DOK6: variants seen among roughly 807,000 people sequenced by gnomAD.
DOK6 encodes downstream of tyrosine kinase 6.
In DOK6, 22 loss-of-function variants were observed where a neutral mutation model predicts 44.0. That is an observed-to-expected ratio of 0.50 (90% CI 0.36 to 0.71). DOK6 has a LOEUF of 0.71. Among genes scored for constraint, DOK6 ranks in the 30% least tolerant of loss-of-function variants. The pLI is 0.00. For missense variants in DOK6, 340 were observed against 416.4 expected (o/e 0.82, Z 1.60); for synonymous variants, 166 against 145.5 (o/e 1.14, Z -1.01).
intron 5 of DOK6, among the ~76,000 whole-genome samples, chr18:69,724,087 C>T (rs1366658065): frequency 1.3e-5 from 2 of 152,150 alleles, no homozygotes; most frequent in Non-Finnish European, 2.9e-5. Context: ...AATTCCATCT[C>T]CCCTTCAATT....
intron 2 of DOK6, among the ~76,000 whole-genome samples, chr18:69,579,542 C>T (rs780621085): frequency 3.3e-5 from 5 of 150,768 alleles, no homozygotes; most frequent in Non-Finnish European, 5.9e-5. Context: ...TCCAACTCTC[C>T]GAAGGTGGGC....
chr18:69,577,796 T>C (rs1983273150), intron 2 of DOK6, among the ~76,000 whole-genome samples: 1 of 152,166 alleles, frequency 6.6e-6, no homozygotes, highest in African/African-American at 2.4e-5. Context: ...GTCTAAATTC[T>C]AGGAACCTTC....
chr18:69,565,426 A>T (rs1982945704), intron 2 of DOK6, among the ~76,000 whole-genome samples: 1 of 151,854 alleles, frequency 6.6e-6, no homozygotes, highest in Non-Finnish European at 1.5e-5. Context: ...ACTAGTAATC[A>T]TTTAAAATTT....
intron 1 of DOK6, among the ~76,000 whole-genome samples, chr18:69,408,818 G>C (rs1393668066): frequency 6.6e-6 from 1 of 152,082 alleles, no homozygotes; most frequent in African/African-American, 2.4e-5. Context: ...TCTTATTTTT[G>C]TTGCTTGCTG....
chr18:69,623,096 C>T (rs1234639007), intron 3 of DOK6, among the ~76,000 whole-genome samples: 1 of 152,110 alleles, frequency 6.6e-6, no homozygotes, highest in South Asian at 2.1e-4. Context: ...ACAGAGTTCT[C>T]AGGAGATCTG....
chr18:69,730,415 T>C (rs1014104522), intron 5 of DOK6, among the ~76,000 whole-genome samples: 1 of 152,228 alleles, frequency 6.6e-6, no homozygotes. Flanking sequence ...GGTTGGTCCA[T>C]TCCTAAACTA....
chr18:69,648,319 T>G (rs1203933419), intron 3 of DOK6, among the ~76,000 whole-genome samples: 1 of 152,204 alleles, frequency 6.6e-6, no homozygotes, highest in Non-Finnish European at 1.5e-5. Context: ...TATTTGTGTC[T>G]GAACAAAAGC....
At position 69,757,805 on chromosome 18, in the gene DOK6, T is replaced by G. The variant is rs559418442; in HGVS notation, c.788T>G (p.Leu263Arg). The G allele has an allele frequency of 1.9e-6, 3 of 1,614,074 alleles. No homozygotes were observed. Among genetic ancestry groups the G allele is most frequent in the African/African-American group, 1.3e-5 (1 of 75,056 alleles). Residue 263 changes from leucine (L) to arginine (R), a missense_variant, in exon 7 of 8, where the codon CTT becomes CGT. This residue lies in a region of DOK6 where 112 missense variants were observed against 109.3 expected (regional missense o/e 1.02). Coordinates refer to ENST00000382713, the MANE Select transcript of DOK6 (RefSeq NM_152721.6). ...EPMTLSKSIS[L>R]PRSAYWHHIT... The stretch of plus-strand genomic sequence containing the variant: ...ATGACATTATCCAAATCAATATCTC[T>G]TCCTCGCAGCGCGTACTGGCATCAC...
At position 69,811,994 on chromosome 18, in the gene DOK6, A is replaced by C. The variant is rs545838348; in HGVS notation, c.857-29250A>C. 3.3e-5 allele frequency among the ~76,000 whole-genome samples: 5 copies of C among 152,296 alleles called. No individual in the cohort carries two copies. The East Asian group carries it at 9.6e-4, about 29-fold the overall frequency. On this transcript the variant is annotated intron_variant, in intron 7 of 7. Transcript: ENST00000382713. ...GGAGATATATTTGCAAAGAGGAGGCAGGCAACAAACAAAAACTATGAAGAC... is the reference window on the plus strand; with the variant it reads ...GGAGATATATTTGCAAAGAGGAGGCCGGCAACAAACAAAAACTATGAAGAC...
intron 1 of DOK6, among the ~76,000 whole-genome samples, chr18:69,482,303 C>T (rs1313300195): frequency 6.6e-6 from 1 of 152,118 alleles, no homozygotes; most frequent in African/African-American, 2.4e-5. Flanking sequence ...TTGCCCATGC[C>T]TATGTCCTGA....
intron 6 of DOK6, among the ~76,000 whole-genome samples, chr18:69,756,770 C>T (rs994735774): frequency 2.0e-5 from 3 of 152,088 alleles, no homozygotes; most frequent in African/African-American, 7.2e-5. Flanking sequence ...AGGTACACAC[C>T]ACAGTAGCAG....
intron 1 of DOK6, among the ~76,000 whole-genome samples, chr18:69,471,930 CT>C (rs1980125076): frequency 6.6e-6 from 1 of 152,134 alleles, no homozygotes; most frequent in South Asian, 2.1e-4. Flanking sequence ...TTCTTATCCC[CT>C]AGCACAGTTA....
At chr18:69,737,007 C>A (rs942579787) in intron 5 of DOK6, among the ~76,000 whole-genome samples, 2 of 152,182 alleles carry the variant, frequency 1.3e-5, no homozygotes, top group African/African-American at 4.8e-5. Flanking sequence ...AGTCAAATGC[C>A]ATCTAAATTA....
intron 3 of DOK6, among the ~76,000 whole-genome samples, chr18:69,671,920 T>G (rs950072700): frequency 7.2e-5 from 11 of 152,186 alleles, no homozygotes; most frequent in Admixed American, 2.6e-4. Context: ...TTTCTTAAAG[T>G]TGACTGGGAA....
intron 5 of DOK6, among the ~76,000 whole-genome samples, chr18:69,730,913 C>A (rs1350502454): frequency 6.6e-6 from 1 of 151,904 alleles, no homozygotes; most frequent in Non-Finnish European, 1.5e-5. Context: ...CCAGCCTGAG[C>A]AAGAGAAACC....
At chr18:69,496,244 G>T (rs899622590) in intron 1 of DOK6, among the ~76,000 whole-genome samples, 2 of 152,262 alleles carry the variant, frequency 1.3e-5, no homozygotes, top group African/African-American at 4.8e-5. Flanking sequence ...GTCTGTAGCT[G>T]TGACCAGGAG....
chr18:69,723,366 G>A (rs1341484871), intron 5 of DOK6, among the ~76,000 whole-genome samples: 3 of 152,226 alleles, frequency 2.0e-5, no homozygotes, highest in Non-Finnish European at 4.4e-5. Context: ...ATTGTTGTCT[G>A]TGTTGGTGAA....
chr18:69,745,527 T>TGGGAGGATAATGAAGGCCA (rs1304586926), intron 6 of DOK6, among the ~76,000 whole-genome samples: 1 of 152,196 alleles, frequency 6.6e-6, no homozygotes. Flanking sequence ...AAGCATTGCC[T>TGGGAGGATAATGAAGGCCA]GGGAGGATAA....
At chr18:69,583,482 AC>A (rs1206720832) in intron 2 of DOK6, among the ~76,000 whole-genome samples, 1 of 152,162 alleles carries the variant, frequency 6.6e-6, no homozygotes, top group African/African-American at 2.4e-5. Context: ...ATAACGTCTC[AC>A]TTGTATTATC....
Sources: gnomAD v4.1 joint callset for allele counts (sites outside exome capture counted in the v4.1 genomes callset) on GRCh38, gnomAD v4.1.1 for gene constraint, gnomAD v4.1.1 regional missense constraint, MANE v1.5 for transcripts, NCBI Gene and HGNC (gene_info 2026-07-23, HGNC 2026-07-21) for gene names.